CCSER1: variants seen among roughly 807,000 people sequenced by gnomAD.
The protein encoded by CCSER1 is serine-rich coiled-coil domain-containing protein 1.
A neutral mutation model predicts 82.0 loss-of-function variants in CCSER1; 41 were observed. The observed-to-expected ratio is 0.50, with a 90% CI of 0.39 to 0.65. The LOEUF is 0.65. Among genes scored for constraint, CCSER1 ranks in the 30% least tolerant of loss-of-function variants. The probability of loss-of-function intolerance (pLI) is 0.00; values close to 1 mark genes in which losing one functional copy is unlikely to be tolerated. For synonymous variants in CCSER1, 414 were observed against 383.9 expected (o/e 1.08, Z -0.92); for missense variants, 1,119 against 1,064.2 (o/e 1.05, Z -0.72).
At chr4:91,525,541 GGA>G (rs1386029318) in intron 10 of CCSER1, among the ~76,000 whole-genome samples, 1 of 152,064 alleles carries the variant, frequency 6.6e-6, no homozygotes, top group Admixed American at 6.6e-5. Flanking sequence ...GTTTTATAAT[GGA>G]GAGAGTGTAC....
At chr4:90,854,159 A>G (rs1392680708) in intron 8 of CCSER1, among the ~76,000 whole-genome samples, 2 of 152,186 alleles carry the variant, frequency 1.3e-5, no homozygotes, top group Non-Finnish European at 2.9e-5. Context: ...ATTTCTGCAG[A>G]AATAGTAGTG....
chr4:91,374,701 A>T (rs1244376549), intron 10 of CCSER1, among the ~76,000 whole-genome samples: 1 of 152,222 alleles, frequency 6.6e-6, no homozygotes, highest in Non-Finnish European at 1.5e-5. Context: ...TTGTTATTTT[A>T]GAAATACATT....
intron 1 of CCSER1, among the ~76,000 whole-genome samples, chr4:90,295,300 G>A (rs1731656402): frequency 6.6e-6 from 1 of 151,870 alleles, no homozygotes; most frequent in African/African-American, 2.4e-5. Flanking sequence ...CTTTGTAAAT[G>A]TCTGTCCATA....
intron 9 of CCSER1, among the ~76,000 whole-genome samples, chr4:91,005,794 A>G (rs1738450888): frequency 6.6e-6 from 1 of 152,194 alleles, no homozygotes; most frequent in Non-Finnish European, 1.5e-5. Context: ...GAATGTGGAT[A>G]TCCAATTTTC....
At chr4:91,172,575 G>A (rs770452720) in intron 10 of CCSER1, among the ~76,000 whole-genome samples, 36 of 152,224 alleles carry the variant, frequency 2.4e-4, no homozygotes, top group South Asian at 8.3e-4. Context: ...CTCACATGCC[G>A]GGTGCTTTGC....
intron 4 of CCSER1, among the ~76,000 whole-genome samples, chr4:90,450,910 T>A (rs557960478): frequency 1.6e-4 from 24 of 152,172 alleles, no homozygotes; most frequent in Non-Finnish European, 3.2e-4. Flanking sequence ...TAGCAAGAAA[T>A]CATTGGTGAG....
At chr4:91,596,412 C>T (rs752626516) in intron 10 of CCSER1, among the ~76,000 whole-genome samples, 5 of 151,938 alleles carry the variant, frequency 3.3e-5, no homozygotes, top group Non-Finnish European at 7.4e-5. Flanking sequence ...TGCATTCATC[C>T]CCAATTTTTT....
chr4:90,643,371 C>T (rs1726918787), intron 6 of CCSER1, among the ~76,000 whole-genome samples: 1 of 152,180 alleles, frequency 6.6e-6, no homozygotes, highest in South Asian at 2.1e-4. Flanking sequence ...TCCTATACTA[C>T]TTCAGAGAGA....
At chr4:90,440,270 A>G (rs1259933639) in intron 4 of CCSER1, among the ~76,000 whole-genome samples, 1 of 152,104 alleles carries the variant, frequency 6.6e-6, no homozygotes, top group Non-Finnish European at 1.5e-5. Flanking sequence ...TTCCCAAAAT[A>G]TTGGGGTTAC....
intron 3 of CCSER1, among the ~76,000 whole-genome samples, chr4:90,345,789 T>C (rs566145702): frequency 1.3e-5 from 2 of 152,254 alleles, no homozygotes; most frequent in East Asian, 3.9e-4. Context: ...CATCTCTCTA[T>C]CTTCTAAACC....
chr4:90,411,776 A>G (rs563333707), intron 4 of CCSER1, among the ~76,000 whole-genome samples: 3 of 152,294 alleles, frequency 2.0e-5, no homozygotes, highest in African/African-American at 4.8e-5. Context: ...GGCCAGGGCA[A>G]TCAGGCAGGG....
chr4:91,557,718 A>T (rs1560761803), intron 10 of CCSER1, among the ~76,000 whole-genome samples: 1 of 151,432 alleles, frequency 6.6e-6, no homozygotes, highest in Non-Finnish European at 1.5e-5. Flanking sequence ...TAGTTTTTAC[A>T]GGAGCCCAGA....
intron 10 of CCSER1, among the ~76,000 whole-genome samples, chr4:91,488,848 C>A (rs1410023607): frequency 6.6e-6 from 1 of 152,118 alleles, no homozygotes; most frequent in Non-Finnish European, 1.5e-5. Flanking sequence ...ATAAACAAAG[C>A]CCCTGCGGTC....
chr4:91,334,747 T>C (rs1431206189), intron 10 of CCSER1, among the ~76,000 whole-genome samples: 1 of 152,086 alleles, frequency 6.6e-6, no homozygotes, highest in African/African-American at 2.4e-5. Context: ...TTCTCATGGG[T>C]GTGGACGTCT....
At chr4:91,399,432 A>C (rs576374215) in intron 10 of CCSER1, among the ~76,000 whole-genome samples, 6 of 152,106 alleles carry the variant, frequency 3.9e-5, no homozygotes, top group African/African-American at 1.2e-4. Flanking sequence ...AATGTTCATC[A>C]TTGTAATTTA....
chr4:91,009,362 C>T (rs573133500), intron 9 of CCSER1, among the ~76,000 whole-genome samples: 1 of 152,206 alleles, frequency 6.6e-6, no homozygotes, highest in African/African-American at 2.4e-5. Flanking sequence ...ATTTCTTTAC[C>T]TCCTGTTTTT....
At chr4:91,537,686 A>G (rs1761363717) in intron 10 of CCSER1, among the ~76,000 whole-genome samples, 1 of 152,066 alleles carries the variant, frequency 6.6e-6, no homozygotes, top group Non-Finnish European at 1.5e-5. Context: ...GTAATATGCT[A>G]TCATATAAAG....
intron 3 of CCSER1, among the ~76,000 whole-genome samples, chr4:90,318,187 G>A (rs1736511074): frequency 6.6e-6 from 1 of 152,054 alleles, no homozygotes; most frequent in East Asian, 1.9e-4. Context: ...ATATACTACA[G>A]GTTTTATTCT....
At chr4:90,351,944 A>G (rs1300761204) in intron 3 of CCSER1, among the ~76,000 whole-genome samples, 1 of 152,204 alleles carries the variant, frequency 6.6e-6, no homozygotes, top group African/African-American at 2.4e-5. Context: ...GAAAAACTCT[A>G]TAATTGTTTC....
Sources: allele counts gnomAD v4.1 joint callset (sites outside exome capture counted in the v4.1 genomes callset), GRCh38; gene constraint gnomAD v4.1.1; transcripts MANE v1.5; gene names NCBI Gene and HGNC (gene_info 2026-07-23, HGNC 2026-07-21).